SLC39A11: variants seen among roughly 807,000 people sequenced by gnomAD.
The protein encoded by SLC39A11 is zinc transporter ZIP11.
SLC39A11 carries 33 observed loss-of-function variants against 36.1 expected under a neutral mutation model. The ratio of observed to expected loss-of-function variants is 0.91; its 90% confidence interval spans 0.69 to 1.22. The LOEUF (loss-of-function observed/expected upper bound fraction) is 1.22, where lower values mean the gene tolerates loss of function less well. Among genes scored for constraint, SLC39A11 ranks in the 50% most tolerant of loss-of-function variants. The pLI is 0.00. For synonymous variants in SLC39A11, 166 were observed against 170.3 expected (o/e 0.97, Z 0.20); for missense variants, 432 against 430.3 (o/e 1.00, Z -0.03).
chr17:72,701,543 C>T (rs999978940), intron 7 of SLC39A11, among the ~76,000 whole-genome samples: 3 of 151,732 alleles, frequency 2.0e-5, no homozygotes, highest in South Asian at 2.1e-4. Flanking sequence ...GCCTGGCCAA[C>T]ATGGTGAAAC....
intron 4 of SLC39A11, among the ~76,000 whole-genome samples, chr17:72,994,170 A>G (rs1171378587): frequency 6.6e-6 from 1 of 152,200 alleles, no homozygotes; most frequent in Non-Finnish European, 1.5e-5. Context: ...AAAACCCACA[A>G]GCAATTCAAT....
In SLC39A11 at chr17:72,871,305, A is replaced by G. The variant is rs190268926; in HGVS notation, c.431-21501T>C. Among the ~76,000 whole-genome samples the G allele has an allele frequency of 5.3e-5, 8 of 151,244 alleles. No individual in the cohort carries two copies. The East Asian group carries it at 1.6e-3, about 29-fold the overall frequency. On this transcript the variant is annotated intron_variant, in intron 5 of 9. Transcript: ENST00000255559. ...TTGAACTCCTGAGCTCAGGCAATCCACCCACCTCAGCCTCCCAAAGTGCTA... is the reference window on the plus strand; with the variant it reads ...TTGAACTCCTGAGCTCAGGCAATCCGCCCACCTCAGCCTCCCAAAGTGCTA...
chr17:72,754,572 G>A (rs1372789323), intron 6 of SLC39A11, among the ~76,000 whole-genome samples: 1 of 151,606 alleles, frequency 6.6e-6, no homozygotes, highest in Non-Finnish European at 1.5e-5. Flanking sequence ...GGTAGGTGCT[G>A]TGGGTATTTA....
intron 5 of SLC39A11, among the ~76,000 whole-genome samples, chr17:72,900,043 AGAGAAAG>A (rs1246857630): frequency 4.8e-5 from 7 of 145,072 alleles, no homozygotes; most frequent in Middle Eastern, 3.5e-3. Flanking sequence ...AGAAAGAGAG[AGAGAAAG>A]AGAAAGAAAG....
In SLC39A11 at chr17:73,088,709, C is replaced by T. The variant is rs1462470219; in HGVS notation, c.56G>A (p.Trp19Ter). The change falls in exon 2 of 10, where the codon TGG becomes TAG. Residue 19 changes from tryptophan (W) to a stop codon, truncating the protein, a stop_gained. Coordinates refer to ENST00000255559, the MANE Select transcript of SLC39A11 (RefSeq NM_139177.4). LOFTEE classifies it high-confidence loss of function. ...FQALLGTFFTWGMTAAGAALV... is the reference protein window; with the variant it reads ...FQALLGTFFT ...AGCTGCCCCAGCTGCTGTCATCCCC[C>T]AGGTGAAGAAGGTCCCCAGCAAGGC... 1 of 1,612,702 alleles carries T rather than the reference C, an allele frequency of 6.2e-7. No homozygotes were observed.
In SLC39A11 at chr17:73,018,531, C is replaced by T. The variant is rs138201703; in HGVS notation, c.306+13025G>A. 1.4e-4 allele frequency among the ~76,000 whole-genome samples: 21 copies of T among 151,686 alleles called. 1 individual carries two copies. In the East Asian group the frequency reaches 2.3e-3, roughly 17 times the overall value. On this transcript the variant is annotated intron_variant, in intron 4 of 9. Coordinates refer to ENST00000255559, the MANE Select transcript of SLC39A11 (RefSeq NM_139177.4). ...CCATTGCACTCCAGCCTGGGAAACA[C>T]GGCAAGACTCCATAACAAAAAAAAA...
chr17:72,743,517 G>T (rs916750840), intron 6 of SLC39A11, among the ~76,000 whole-genome samples: 6 of 152,100 alleles, frequency 3.9e-5, no homozygotes, highest in Non-Finnish European at 8.8e-5. Context: ...ACAACTCCAC[G>T]CTGCCTTAGG....
At position 72,963,678 on chromosome 17, in the gene SLC39A11, T is replaced by A. The variant is rs561768147; in HGVS notation, c.307-15803A>T. Reference sequence around the variant, plus strand: ...TATGGCACAAACTTACAATCAAAGCTCCAAACTCATAGGAGGAATCCCATT... The same window carrying A: ...TATGGCACAAACTTACAATCAAAGCACCAAACTCATAGGAGGAATCCCATT... On this transcript the variant is annotated intron_variant, in intron 4 of 9. Transcript: ENST00000255559. Among the ~76,000 whole-genome samples, 162 of 152,200 alleles carry A rather than the reference T, an allele frequency of 1.1e-3. 1 individual carries two copies. Among genetic ancestry groups the A allele is most frequent in the African/African-American group, 3.8e-3 (159 of 41,510 alleles).
At chr17:73,039,972 G>A (rs1568171725) in intron 3 of SLC39A11, among the ~76,000 whole-genome samples, 2 of 152,184 alleles carry the variant, frequency 1.3e-5, no homozygotes, top group East Asian at 3.9e-4. Flanking sequence ...GGGCTACAGA[G>A]TAAAGGCCAG....
intron 3 of SLC39A11, among the ~76,000 whole-genome samples, chr17:73,045,277 C>T (rs1453852889): frequency 6.7e-6 from 1 of 149,784 alleles, no homozygotes; most frequent in African/African-American, 2.5e-5. Flanking sequence ...AGGTGAAGTC[C>T]TAGACAGTAA....
chr17:72,788,596 A>C (rs761672112), intron 6 of SLC39A11, among the ~76,000 whole-genome samples: 3 of 152,258 alleles, frequency 2.0e-5, no homozygotes, highest in Non-Finnish European at 4.4e-5. Flanking sequence ...GTCTCCAGAA[A>C]AGGGAGTATA....
At chr17:72,670,044 A>G (rs961411399) in intron 7 of SLC39A11, among the ~76,000 whole-genome samples, 1 of 146,984 alleles carries the variant, frequency 6.8e-6, no homozygotes, top group Non-Finnish European at 1.5e-5. Context: ...ACATATATAT[A>G]CGTATAGATG....
intron 6 of SLC39A11, among the ~76,000 whole-genome samples, chr17:72,775,376 C>T (rs1479733550): frequency 2.0e-5 from 3 of 152,138 alleles, no homozygotes; most frequent in Admixed American, 6.5e-5. Context: ...ACAATAGGGA[C>T]AGGGATGTTG....
chr17:72,935,629 T>G (rs891080499), intron 5 of SLC39A11, among the ~76,000 whole-genome samples: 7 of 152,186 alleles, frequency 4.6e-5, no homozygotes, highest in African/African-American at 1.4e-4. Context: ...CAGGCTGGAG[T>G]GCAGTGGCAC....
At chr17:72,919,681 A>AT (rs1013620667) in intron 5 of SLC39A11, among the ~76,000 whole-genome samples, 1 of 146,498 alleles carries the variant, frequency 6.8e-6, no homozygotes, top group Non-Finnish European at 1.5e-5. Flanking sequence ...AAAAAAAAAA[A>AT]AAAAGAAAAA....
intron 4 of SLC39A11, among the ~76,000 whole-genome samples, chr17:72,971,203 A>G (rs1390073561): frequency 2.0e-5 from 3 of 152,150 alleles, no homozygotes; most frequent in Non-Finnish European, 4.4e-5. Flanking sequence ...TAGATTTGGG[A>G]ACGGTTGAGA....
chr17:72,694,775 G>A (rs2072209759), intron 7 of SLC39A11, among the ~76,000 whole-genome samples: 1 of 152,202 alleles, frequency 6.6e-6, no homozygotes, highest in South Asian at 2.1e-4. Context: ...GAGAAGACCT[G>A]GGGCTGGGGT....
chr17:72,649,492 G>A (rs954679954), intron 7 of SLC39A11, among the ~76,000 whole-genome samples: 4 of 152,246 alleles, frequency 2.6e-5, no homozygotes, highest in South Asian at 2.1e-4. Context: ...GCTGTCCTGG[G>A]TCCTGGGCAG....
chr17:72,649,781 T>A (rs1361854363), intron 7 of SLC39A11, among the ~76,000 whole-genome samples: 1 of 151,850 alleles, frequency 6.6e-6, no homozygotes, highest in Admixed American at 6.6e-5. Flanking sequence ...TTAGTAGAGA[T>A]GGGGTTTTAC....
Sources: allele counts gnomAD v4.1 joint callset (sites outside exome capture counted in the v4.1 genomes callset), GRCh38; gene constraint gnomAD v4.1.1; transcripts MANE v1.5; gene names NCBI Gene and HGNC (gene_info 2026-07-23, HGNC 2026-07-21).